MYH14: variants seen among roughly 807,000 people sequenced by gnomAD.
The protein encoded by MYH14 is myosin heavy chain 14, also known as myosin-14.
A neutral mutation model predicts 255.5 loss-of-function variants in MYH14; 123 were observed. The ratio of observed to expected loss-of-function variants is 0.48; its 90% CI spans 0.42 to 0.56. MYH14 has a LOEUF of 0.56. Ranked by LOEUF, MYH14 falls within the 20% of genes least tolerant of loss-of-function variation. The probability of loss-of-function intolerance (pLI) is 0.00; values close to 1 mark genes in which losing one functional copy is unlikely to be tolerated. For missense variants in MYH14, 2,423 were observed against 2,802.3 expected (o/e 0.86, Z 3.06); for synonymous variants, 1,095 against 1,161.2 (o/e 0.94, Z 1.16).
Position 50,230,753 on chromosome 19 carries a change from C to T in MYH14, c.973+130C>T, listed in dbSNP as rs1329342252. ...CGTCAAACACCGACTTCGCATGAGG[C>T]TCCCGCAGCCCCTGCTCTCGCTGCG... On this transcript the variant is annotated intron_variant, in intron 9 of 42. Coordinates refer to ENST00000642316, the MANE Select transcript of MYH14 (RefSeq NM_001145809.2). The surrounding 1 kb of genome is among the most constrained non-coding windows in gnomAD (Gnocchi z 4.7). The T allele has an allele frequency of 5.6e-6, 4 of 717,734 alleles. No homozygotes were observed. The highest frequency in any genetic ancestry group is 2.5e-5 in the Admixed American group (1 of 40,700). 44.5% of individuals were successfully genotyped at this position (717,734 alleles called of 1,614,324 possible). A position where few individuals can be genotyped will look rare whatever the true frequency, so the allele number is the denominator to read the frequency against.
intron 10 of MYH14, among the ~76,000 whole-genome samples, chr19:50,240,840 C>T (rs1248716141): frequency 1.3e-5 from 2 of 151,978 alleles, no homozygotes; most frequent in Non-Finnish European, 2.9e-5. Context: ...AAAAAACAAC[C>T]ACAGACTGCC....
intron 2 of MYH14, among the ~76,000 whole-genome samples, chr19:50,211,327 C>G (rs1211624081): frequency 6.6e-6 from 1 of 152,100 alleles, no homozygotes; most frequent in Non-Finnish European, 1.5e-5. Flanking sequence ...GCACAAGACC[C>G]TGTCTCAAAA....
At chr19:50,307,896 T>C (rs973213617) in intron 41 of MYH14, among the ~76,000 whole-genome samples, 1 of 152,206 alleles carries the variant, frequency 6.6e-6, no homozygotes, top group Non-Finnish European at 1.5e-5. Context: ...CAAACAATTA[T>C]TGAGCACCTG....
chr19:50,240,167 G>A (rs2033832074), intron 10 of MYH14, among the ~76,000 whole-genome samples: 1 of 152,250 alleles, frequency 6.6e-6, no homozygotes, highest in African/African-American at 2.4e-5. Context: ...AGTGAGGGAA[G>A]GGGGCTTTGG....
chr19:50,217,768 C>A lies in MYH14; in HGVS notation c.559C>A (p.Gln187Lys), dbSNP rs1157237240. ...CGAGGGGGCCTATCGGAGCATGCTG[C>A]AGGGTGAGTGCTGGGTGGGGCTGTA... ...VTEGAYRSML[Q>K]DREDQSILCT... Residue 187 changes from glutamine (Q) to lysine (K), a missense_variant, in exon 3 of 43, where the codon CAG becomes AAG. Transcript: ENST00000642316. The A allele has an allele frequency of 1.1e-5, 18 of 1,613,262 alleles. No homozygotes were observed. The highest frequency in any genetic ancestry group is 1.4e-5 in the Non-Finnish European group (17 of 1,179,784).
chr19:50,222,622 T>C (rs1265550519), intron 3 of MYH14, among the ~76,000 whole-genome samples: 3 of 152,072 alleles, frequency 2.0e-5, no homozygotes, highest in Non-Finnish European at 4.4e-5. Flanking sequence ...ACCCTGCCAG[T>C]TCCCCACTCC....
At chr19:50,222,785 G>A (rs991600178) in intron 3 of MYH14, among the ~76,000 whole-genome samples, 6 of 152,096 alleles carry the variant, frequency 3.9e-5, no homozygotes, top group Admixed American at 2.6e-4. Context: ...CACACAGTAG[G>A]GTCTCACGTT....
chr19:50,243,260 A>T (rs1278238456), intron 10 of MYH14, among the ~76,000 whole-genome samples: 1 of 152,118 alleles, frequency 6.6e-6, no homozygotes, highest in East Asian at 1.9e-4. Flanking sequence ...ACATGGCGAA[A>T]CCCCATCTCT....
At chr19:50,267,260 G>C in intron 23 of MYH14, among the ~76,000 whole-genome samples, 1 of 152,072 alleles carries the variant, frequency 6.6e-6, no homozygotes, top group East Asian at 1.9e-4. Context: ...GGGTAGGGGT[G>C]GGGTGGGAGA....
intron 13 of MYH14, 191 bp downstream of exon 13, chr19:50,249,330 CCTTCTCTCTCTGGG>C (rs2034263662): frequency 1.4e-6 from 1 of 712,610 alleles, no homozygotes; most frequent in African/African-American, 1.8e-5. Context: ...GTCTCTGTCC[CCTTCTCTCTCTGGG>C]TCTCTGTCCC....
intron 26 of MYH14, 130 bp from the exon 27 acceptor site, chr19:50,272,430 G>C (rs2035336620): frequency 2.1e-6 from 2 of 935,048 alleles, no homozygotes; most frequent in South Asian, 2.8e-5. Flanking sequence ...GGGAAGGTGG[G>C]AGGAGGAGAA....
chr19:50,296,476 G>A (rs971402330), intron 39 of MYH14, among the ~76,000 whole-genome samples: 1 of 152,148 alleles, frequency 6.6e-6, no homozygotes, highest in Non-Finnish European at 1.5e-5. Context: ...GCGATGGCGG[G>A]CACGCCTGCG....
In MYH14 at chr19:50,289,386, C is replaced by T. The variant is rs1025079056; in HGVS notation, c.4753-50C>T. The T allele has an allele frequency of 6.1e-6, 9 of 1,487,538 alleles. No individual in the cohort carries two copies. The African/African-American group carries it at 9.7e-5, about 16-fold the overall frequency. The allele number at this position is 1,487,538 out of a possible 1,614,324, so 92.1% of individuals were successfully genotyped here. A position where few individuals can be genotyped will look rare whatever the true frequency, so the allele number is the denominator to read the frequency against. On this transcript the variant is annotated intron_variant, in intron 34 of 42. Coordinates refer to ENST00000642316, the MANE Select transcript of MYH14 (RefSeq NM_001145809.2). ...TCCCCTACTCTAGCTAGGCTCCTAA[C>T]CTCCTCTGCCTCAGTGACCCAGGTA...
chr19:50,288,224 G>C (rs652781), intron 34 of MYH14, among the ~76,000 whole-genome samples: 49,711 of 152,040 alleles, frequency 0.33, 8,524 homozygotes, highest in African/African-American at 0.41. Context: ...CTCCTGAATA[G>C]ATGCTGTCTT....
chr19:50,236,599 T>C (rs2033667728), intron 10 of MYH14, among the ~76,000 whole-genome samples: 1 of 151,630 alleles, frequency 6.6e-6, no homozygotes, highest in Non-Finnish European at 1.5e-5. Flanking sequence ...TCCCAGCTAC[T>C]CGGGAGGTTG....
chr19:50,212,606 C>T (rs1331701616), intron 2 of MYH14, among the ~76,000 whole-genome samples: 6 of 152,178 alleles, frequency 3.9e-5, no homozygotes, highest in Admixed American at 6.5e-5. Context: ...CTGGTGGGGT[C>T]TCACAGCTTT....
intron 22 of MYH14, among the ~76,000 whole-genome samples, chr19:50,264,563 T>A (rs989478280): frequency 1.3e-4 from 19 of 150,856 alleles, no homozygotes; most frequent in Non-Finnish European, 4.4e-5. Flanking sequence ...AACCCTTTAC[T>A]GCACAAGGGT....
At chr19:50,214,453 A>G (rs1222883611) in intron 2 of MYH14, among the ~76,000 whole-genome samples, 1 of 152,170 alleles carries the variant, frequency 6.6e-6, no homozygotes, top group African/African-American at 2.4e-5. Context: ...TAAGAGTCTC[A>G]GTCCCTTTCC....
In MYH14 at chr19:50,289,689, G is replaced by A. The variant is rs2036005176; in HGVS notation, c.4965+41G>A. The A allele has an allele frequency of 1.9e-6, 3 of 1,553,952 alleles. No homozygotes were observed. The East Asian group carries it at 7.0e-5, about 36-fold the overall frequency. On this transcript the variant is annotated intron_variant, in intron 35 of 42. Transcript: ENST00000642316. ...AGGCCACAGGGTGCCAGTCCAGCTG[G>A]GGTATGCCATGGTGTGTACAGGCAG...
Sources: gnomAD v4.1 joint callset for allele counts (sites outside exome capture counted in the v4.1 genomes callset) on GRCh38, gnomAD v4.1.1 for gene constraint, Gnocchi (gnomAD v3.1) non-coding constraint, MANE v1.5 for transcripts, NCBI Gene and HGNC (gene_info 2026-07-23, HGNC 2026-07-21) for gene names.